SART3: variants seen among roughly 807,000 people sequenced by gnomAD.
The protein encoded by SART3 is HIV-1 Tat-interacting protein of 110kDa.
In SART3, 44 loss-of-function variants were observed where a neutral mutation model predicts 122.3. That is an observed-to-expected ratio of 0.36 (90% CI 0.28 to 0.46). The LOEUF is 0.46. Among genes scored for constraint, SART3 ranks in the 20% least tolerant of loss-of-function variants. SART3 has a pLI of 1.00. For synonymous variants in SART3, 442 were observed against 454.0 expected (o/e 0.97, Z 0.34); for missense variants, 1,101 against 1,229.0 (o/e 0.90, Z 1.56).
At chr12:108,531,129 T>A in intron 14 of SART3, 75 bp downstream of exon 14, 1 of 1,120,970 alleles carries the variant, frequency 8.9e-7, no homozygotes, top group Non-Finnish European at 1.4e-6. Context: ...TAAAACATCT[T>A]GACAAGAAAC....
At chr12:108,534,362 G>GA (rs1157522754) in intron 12 of SART3, among the ~76,000 whole-genome samples, 2 of 152,064 alleles carry the variant, frequency 1.3e-5, no homozygotes, top group Non-Finnish European at 2.9e-5. Flanking sequence ...CTTTAACAGT[G>GA]GTTATCTCTG....
At chr12:108,533,070 C>T (rs1872755363) in intron 12 of SART3, among the ~76,000 whole-genome samples, 1 of 152,144 alleles carries the variant, frequency 6.6e-6, no homozygotes, top group Non-Finnish European at 1.5e-5. Flanking sequence ...GTTTTTAAAA[C>T]ATTTTAAATA....
intron 12 of SART3, 48 bp from the exon 13 acceptor site, chr12:108,532,382 G>T: frequency 6.6e-7 from 1 of 1,521,102 alleles, no homozygotes; most frequent in South Asian, 1.1e-5. Context: ...CAAAGTGGAA[G>T]GCACTCGAAG....
At position 108,523,443 on chromosome 12, in the gene SART3, T is replaced by C; in HGVS notation, c.*14A>G. The C allele has an allele frequency of 6.2e-7, 1 of 1,611,894 alleles. No homozygotes were observed. Among genetic ancestry groups the C allele is most frequent in the East Asian group, 2.2e-5 (1 of 44,866 alleles). On this transcript the variant is annotated 3_prime_UTR_variant, in exon 19 of 19. Coordinates refer to ENST00000546815, the MANE Select transcript of SART3 (RefSeq NM_014706.4). ...AGAGTGAAGTAAGGCATTTCCTGTCTCCCAGCGTCCCGTTCACTTTCTCAG... is the reference window on the plus strand; with the variant it reads ...AGAGTGAAGTAAGGCATTTCCTGTCCCCCAGCGTCCCGTTCACTTTCTCAG...
intron 17 of SART3, 124 bp downstream of exon 17, chr12:108,525,331 ATT>A: frequency 1.0e-6 from 1 of 971,504 alleles, no homozygotes; most frequent in Non-Finnish European, 1.6e-6. Context: ...TTTCTGTGAA[ATT>A]AACTTTTGTT....
intron 6 of SART3, 71 bp from the exon 7 acceptor site, chr12:108,539,160 A>C (rs1422347177): frequency 1.9e-6 from 3 of 1,567,564 alleles, no homozygotes; most frequent in Non-Finnish European, 2.6e-6. Flanking sequence ...AATAAAATAA[A>C]TTTTGGCAAA....
At chr12:108,538,846 C>T (rs1349977830) in intron 7 of SART3, 88 bp downstream of exon 7, 18 of 1,490,072 alleles carry the variant, frequency 1.2e-5, no homozygotes, top group South Asian at 5.7e-5. Flanking sequence ...AGAGTAGGGC[C>T]GTATGCAACA....
rs2136657328 is a variant in SART3, at chr12:108,522,945, C to T, written c.*512G>A. 6.1e-6 allele frequency: 1 copy of T among 164,554 alleles called. No individual in the cohort carries two copies. The highest frequency in any genetic ancestry group is 5.7e-5 in the Admixed American group (1 of 17,674). 10.2% of individuals were successfully genotyped at this position (164,554 alleles called of 1,614,324 possible). A position where few individuals can be genotyped will look rare whatever the true frequency, so the allele number is the denominator to read the frequency against. On this transcript the variant is annotated 3_prime_UTR_variant, in exon 19 of 19. Transcript: ENST00000546815. ...AACACATAATATAAAAATGCACAGC[C>T]CCATTGAACAAAACTCCAGCAAATG...
chr12:108,529,326 C>T (rs143355959), intron 15 of SART3, among the ~76,000 whole-genome samples: 60 of 152,220 alleles, frequency 3.9e-4, no homozygotes, highest in African/African-American at 1.3e-3. Context: ...CACTCCCTAC[C>T]CTCGACCACT....
At chr12:108,535,523 A>T in intron 11 of SART3, 55 bp from the exon 12 acceptor site, 1 of 1,335,740 alleles carries the variant, frequency 7.5e-7, no homozygotes, top group Non-Finnish European at 1.1e-6. Context: ...GTCGACACCC[A>T]TCATACAACA....
intron 3 of SART3, 115 bp downstream of exon 3, chr12:108,547,772 A>C (rs1343871181): frequency 4.0e-6 from 3 of 740,792 alleles, no homozygotes; most frequent in Non-Finnish European, 7.1e-6. Flanking sequence ...AATCTTGCTA[A>C]TTGTGAAACT....
Position 108,536,747 on chromosome 12 carries a change from T to C in SART3, c.1348A>G (p.Thr450Ala). Residue 450 changes from threonine (T) to alanine (A), a missense_variant, in exon 10 of 19, where the codon ACT becomes GCT. By Grantham distance (58) the Thr-to-Ala change is moderately conservative (BLOSUM62 0). Around this residue, in one of 2 missense-constraint regions of SART3, gnomAD observed 885 missense variants for 1,080.1 expected, o/e 0.82. Coordinates refer to ENST00000546815, the MANE Select transcript of SART3 (RefSeq NM_014706.4). ...KELEELRAAF[T>A]RALEYLKQEV... ...TGCTTCAGATACTCCAAGGCACGAG[T>C]AAAGGCGGCCCTCAACTCCTCCAGC... The C allele has an allele frequency of 6.2e-7, 1 of 1,613,722 alleles. No homozygotes were observed. Among genetic ancestry groups the C allele is most frequent in the Non-Finnish European group, 8.5e-7 (1 of 1,179,826 alleles).
In SART3 at chr12:108,549,173, C is replaced by A. The variant is rs1206308636; in HGVS notation, c.354G>T (p.Leu118Phe). 6.2e-7 allele frequency: 1 copy of A among 1,614,068 alleles called. No individual in the cohort carries two copies. Among genetic ancestry groups the A allele is most frequent in the African/African-American group, 1.3e-5 (1 of 74,932 alleles). Residue 118 changes from leucine to phenylalanine, a missense_variant, in exon 2 of 19, where the codon TTG becomes TTT. By Grantham distance (22) the Leu-to-Phe change is conservative (BLOSUM62 0). Transcript: ENST00000546815. ...NVYDYNCHVD[L>F]IRLLRLEGEL... ...CCCCTTCCAGCCTGAGCAGTCTGATCAAGTCCACATGGCAGTTGTAGTCAT... is the reference window on the plus strand; with the variant it reads ...CCCCTTCCAGCCTGAGCAGTCTGATAAAGTCCACATGGCAGTTGTAGTCAT...
At position 108,556,982 on chromosome 12, in the gene SART3, TAA is replaced by T. The variant is rs747996597; in HGVS notation, c.312+3859_312+3860del. ...CAGAAGAAAAAGGTATAAAAGTCGC[TAA>T]AGTCAAGAAGCTGACTTTTAAGGTG... On this transcript the variant is annotated intron_variant, in intron 1 of 18. Coordinates refer to ENST00000546815, the MANE Select transcript of SART3 (RefSeq NM_014706.4). Among the ~76,000 whole-genome samples the T allele has an allele frequency of 1.9e-3, 287 of 152,266 alleles. 1 individual carries two copies. Among genetic ancestry groups the T allele is most frequent in the Non-Finnish European group, 2.8e-3 (189 of 68,004 alleles).
chr12:108,523,791 G>A (rs1872242900), intron 18 of SART3, 157 bp from the exon 19 acceptor site: 1 of 754,268 alleles, frequency 1.3e-6, no homozygotes, highest in Admixed American at 2.5e-5. Flanking sequence ...TTCTGTTTAT[G>A]AAGTAAAAAC....
rs961060815 is a variant in SART3 at position 108,548,102 on chromosome 12, G to A, written c.440-111C>T. The A allele has an allele frequency of 9.9e-6, 9 of 909,072 alleles. No individual in the cohort carries two copies. In the South Asian group the frequency reaches 1.3e-4, roughly 13 times the overall value. The allele number at this position is 909,072 out of a possible 1,614,324, so 56.3% of individuals were successfully genotyped here. Reference sequence around the variant, plus strand: ...TTTCATCCATCTTACACAACCTGGCGTTGTTTCCAGAAATTCACTTCTTAA... The same window carrying A: ...TTTCATCCATCTTACACAACCTGGCATTGTTTCCAGAAATTCACTTCTTAA... On this transcript the variant is annotated intron_variant, in intron 2 of 18. Transcript: ENST00000546815.
At chr12:108,559,063 T>C (rs905345376) in intron 1 of SART3, among the ~76,000 whole-genome samples, 1 of 72,778 alleles carries the variant, frequency 1.4e-5, no homozygotes, top group Non-Finnish European at 3.1e-5. Context: ...AAAAAAAAAG[T>C]AGAAATGCTA....
At position 108,536,565 on chromosome 12, in the gene SART3, A is replaced by G; in HGVS notation, c.1395T>C (p.Asn465=). The part of the protein sequence containing the change: ...YLKQEVEERF[N]ESGDPSCVIM... The stretch of plus-strand genomic sequence containing the variant: ...TCACGCAGCTTGGATCACCACTCTC[A>G]TTGAAACCTTCAAAAACAGAATTAG... Residue 465 remains asparagine, a synonymous_variant, in exon 11 of 19, where the codon AAT becomes AAC. Coordinates refer to ENST00000546815, the MANE Select transcript of SART3 (RefSeq NM_014706.4). 1 of 1,613,810 alleles carries G rather than the reference A, an allele frequency of 6.2e-7. No homozygotes were observed. Among genetic ancestry groups the G allele is most frequent in the Non-Finnish European group, 8.5e-7 (1 of 1,179,646 alleles).
intron 15 of SART3, among the ~76,000 whole-genome samples, chr12:108,529,249 A>G (rs1872536181): frequency 6.6e-6 from 1 of 152,224 alleles, no homozygotes. Flanking sequence ...GTATATACAA[A>G]TAGTTACACA....
Sources: gnomAD v4.1 joint callset for allele counts (sites outside exome capture counted in the v4.1 genomes callset) on GRCh38, gnomAD v4.1.1 for gene constraint, gnomAD v4.1.1 regional missense constraint, MANE v1.5 for transcripts, NCBI Gene and HGNC (gene_info 2026-07-23, HGNC 2026-07-21) for gene names.